Variants in ELL2 observed in about 807,000 individuals in gnomAD.
ELL2 encodes RNA polymerase II elongation factor ELL2.
In ELL2, 21 loss-of-function variants were observed where a neutral mutation model predicts 72.8. The observed-to-expected ratio is 0.29, with a 90% CI of 0.20 to 0.42. ELL2 has a LOEUF of 0.42. Ranked by LOEUF, ELL2 falls within the 10% of genes least tolerant of loss-of-function variation. The pLI, the probability that ELL2 is intolerant of heterozygous loss-of-function variation, is 1.00. For missense variants in ELL2, 568 were observed against 772.8 expected, an observed-to-expected ratio of 0.73 and a Z score of 3.14; for synonymous variants, 266 against 283.2, an observed-to-expected ratio of 0.94 and a Z score of 0.61.
chr5:95,905,837 A>T (rs986567358), intron 5 of ELL2, among the ~76,000 whole-genome samples: 11 of 151,746 alleles, frequency 7.2e-5, no homozygotes, highest in Non-Finnish European at 1.5e-4. Flanking sequence ...ACCACCATTT[A>T]TGGTGGATCT....
chr5:95,947,813 T>C (rs925174378), intron 1 of ELL2, among the ~76,000 whole-genome samples: 9 of 152,284 alleles, frequency 5.9e-5, no homozygotes, highest in East Asian at 1.9e-4. Context: ...AAAGTAATTA[T>C]AATTTCCAAA....
chr5:95,947,132 T>C (rs1422788481), intron 1 of ELL2, among the ~76,000 whole-genome samples: 2 of 152,182 alleles, frequency 1.3e-5, no homozygotes, highest in Non-Finnish European at 2.9e-5. Flanking sequence ...TAGGTTGTCT[T>C]ATTCCTGATT....
Position 95,898,675 on chromosome 5 carries a change from G to A in ELL2, c.1090C>T (p.Pro364Ser). 1 of 1,613,116 alleles carries A rather than the reference G, an allele frequency of 6.2e-7. No individual in the cohort carries two copies. The highest frequency in any genetic ancestry group is 8.5e-7 in the Non-Finnish European group (1 of 1,179,428). ...PTSEKSAAGLPLPPAAAAIPT... is the reference protein window; with the variant it reads ...PTSEKSAAGLSLPPAAAAIPT... ...ATGGCAGCAGCCGCAGGGGGCAGCGGGAGGCCTGCAGCAGATTTTTCACTG... is the reference window on the plus strand; with the variant it reads ...ATGGCAGCAGCCGCAGGGGGCAGCGAGAGGCCTGCAGCAGATTTTTCACTG... The change falls in exon 8 of 12, where the codon CCG becomes TCG. Residue 364 changes from proline (P) to serine (S), a missense_variant. Around this residue, in one of 2 missense-constraint regions of ELL2, gnomAD observed 511 missense variants for 728.4 expected, o/e 0.70. Coordinates refer to ENST00000237853, the MANE Select transcript of ELL2 (RefSeq NM_012081.6).
At chr5:95,917,598 T>A (rs555516778) in intron 3 of ELL2, among the ~76,000 whole-genome samples, 130 of 152,284 alleles carry the variant, frequency 8.5e-4, no homozygotes, top group African/African-American at 2.9e-3. Flanking sequence ...AGTGCTTTTG[T>A]TTTCCTAGTG....
chr5:95,930,037 C>T (rs1410297797), intron 2 of ELL2, among the ~76,000 whole-genome samples: 1 of 152,188 alleles, frequency 6.6e-6, no homozygotes, highest in East Asian at 1.9e-4. Context: ...TATGACCCAA[C>T]CTCTTTAAAA....
At chr5:95,920,869 A>G (rs1000508818) in intron 2 of ELL2, among the ~76,000 whole-genome samples, 1 of 152,156 alleles carries the variant, frequency 6.6e-6, no homozygotes, top group African/African-American at 2.4e-5. Context: ...AAAGTGTTTT[A>G]TAATCCTCAT....
rs754262957 is a variant in ELL2 at position 95,901,069 on chromosome 5, C to T, written c.753G>A (p.Leu251=). ...LGAILQQVAN[L]NSKDLSYTLK... is the part of the protein sequence containing the mutation. ...AGGTATATGAGAGGTCCTTAGAATTCAGATTGGCTACCTAGTATGAGGTAT... is the reference window on the plus strand; with the variant it reads ...AGGTATATGAGAGGTCCTTAGAATTTAGATTGGCTACCTAGTATGAGGTAT... Residue 251 remains leucine, a synonymous_variant, in exon 6 of 12, where the codon CTG becomes CTA. Coordinates refer to ENST00000237853, the MANE Select transcript of ELL2 (RefSeq NM_012081.6). 6.2e-7 allele frequency: 1 copy of T among 1,603,602 alleles called. No homozygotes were observed. The highest frequency in any genetic ancestry group is 1.3e-5 in the African/African-American group (1 of 74,118).
intron 4 of ELL2, among the ~76,000 whole-genome samples, chr5:95,913,093 G>A (rs1040508366): frequency 3.3e-5 from 5 of 152,138 alleles, no homozygotes; most frequent in Non-Finnish European, 5.9e-5. Context: ...ATAAAGGAGA[G>A]ACTCATCTTG....
intron 1 of ELL2, among the ~76,000 whole-genome samples, chr5:95,948,012 T>TA (rs1751231736): frequency 6.6e-6 from 1 of 152,198 alleles, no homozygotes; most frequent in Non-Finnish European, 1.5e-5. Context: ...AGCTCATTGT[T>TA]ACTCAGAAAT....
intron 1 of ELL2, among the ~76,000 whole-genome samples, chr5:95,960,374 C>T (rs1241206666): frequency 1.3e-5 from 2 of 151,924 alleles, no homozygotes; most frequent in Non-Finnish European, 2.9e-5. Flanking sequence ...AAACTGTTTC[C>T]CCATGCACCC....
rs149812788 is a variant in ELL2 at position 95,898,448 on chromosome 5, G to A, written c.1317C>T (p.Pro439=). 5 of 1,613,664 alleles carry A rather than the reference G, an allele frequency of 3.1e-6. No individual in the cohort carries two copies. In the South Asian group the frequency reaches 4.4e-5, roughly 14 times the overall value. Residue 439 remains proline, a synonymous_variant, in exon 8 of 12, where the codon CCC becomes CCT. Coordinates refer to ENST00000237853, the MANE Select transcript of ELL2 (RefSeq NM_012081.6). ...GACACTTTAGTAGAACGGAACCAGG[G>A]GGTAAGGTTTCCAGAGAAGTCCTAG... ...YTSRTSLETL[P]PGSVLLKCPK...
chr5:95,888,983 C>T lies in ELL2; in HGVS notation c.1811G>A (p.Ser604Asn). 5 of 1,406,714 alleles carry T rather than the reference C, an allele frequency of 3.6e-6. No individual in the cohort carries two copies. The highest frequency in any genetic ancestry group is 1.6e-5 in the African/African-American group (1 of 62,616). 87.1% of individuals were successfully genotyped at this position (1,406,714 alleles called of 1,614,324 possible). A position where few individuals can be genotyped will look rare whatever the true frequency, so the allele number is the denominator to read the frequency against. Residue 604 changes from serine (S) to asparagine (N), a missense_variant, in exon 12 of 12, where the codon AGT (serine) becomes AAT (asparagine). Around this residue, in one of 2 missense-constraint regions of ELL2, gnomAD observed 511 missense variants for 728.4 expected, o/e 0.70. Transcript: ENST00000237853. ...LQEYQKIKQS[S>N]PNYHEEKYRC... is the part of the protein sequence containing the mutation. ...GTATTTTTCTTCATGGTAATTGGGACTAGACTGCAGATGAAAAAAAAAAAA... is the reference window on the plus strand; with the variant it reads ...GTATTTTTCTTCATGGTAATTGGGATTAGACTGCAGATGAAAAAAAAAAAA...
chr5:95,893,607 G>C (rs961739480), intron 9 of ELL2, among the ~76,000 whole-genome samples: 1 of 152,216 alleles, frequency 6.6e-6, no homozygotes, highest in African/African-American at 2.4e-5. Flanking sequence ...GGATGGTCTC[G>C]ATCTCCTGAC....
rs1233600611 is a variant in ELL2, at chr5:95,913,829, T to C, written c.423A>G (p.Ala141=). ...TGCTTCGGTTGCGGGATTCCTCCTC[T>C]GCCTGGGTCATTCTTTCTCGTGTCA... ...YQMTRERMTQ[A]EEESRNRSTK... Residue 141 remains alanine, a synonymous_variant, in exon 4 of 12, where the codon GCA becomes GCG. Coordinates refer to ENST00000237853, the MANE Select transcript of ELL2 (RefSeq NM_012081.6). 2.5e-6 allele frequency: 4 copies of C among 1,613,520 alleles called. No homozygotes were observed. In the South Asian group the frequency reaches 4.4e-5, roughly 18 times the overall value.
intron 5 of ELL2, among the ~76,000 whole-genome samples, chr5:95,901,591 T>C (rs1041703197): frequency 1.3e-4 from 20 of 152,344 alleles, no homozygotes; most frequent in Non-Finnish European, 2.2e-4. Context: ...AGAGCAATTA[T>C]GCCAACATGC....
At chr5:95,950,134 A>C (rs1186872977) in intron 1 of ELL2, among the ~76,000 whole-genome samples, 1 of 152,226 alleles carries the variant, frequency 6.6e-6, no homozygotes, top group African/African-American at 2.4e-5. Context: ...GCAGAAGGAA[A>C]ATACCAGACA....
chr5:95,958,119 C>T (rs1036121651), intron 1 of ELL2, among the ~76,000 whole-genome samples: 7 of 152,170 alleles, frequency 4.6e-5, no homozygotes, highest in Admixed American at 2.0e-4. Context: ...ATCAAGTACC[C>T]TCCTATATGA....
At position 95,929,333 on chromosome 5, in the gene ELL2, A is replaced by G. The variant is rs546673060; in HGVS notation, c.196-9788T>C. Among the ~76,000 whole-genome samples the G allele has an allele frequency of 2.0e-5, 3 of 149,408 alleles. No individual in the cohort carries two copies. In the East Asian group the frequency reaches 5.9e-4, roughly 29 times the overall value. The stretch of plus-strand genomic sequence containing the variant: ...GAGTGCAGCGGCTCGATCTTGGCTC[A>G]CTGCAACCTCTGCCGCCTGGGTTCA... On this transcript the variant is annotated intron_variant, in intron 2 of 11. Transcript: ENST00000237853.
At chr5:95,920,397 A>T (rs1750010955) in intron 2 of ELL2, among the ~76,000 whole-genome samples, 1 of 150,514 alleles carries the variant, frequency 6.6e-6, no homozygotes, top group East Asian at 1.9e-4. Context: ...TGCAACCTCC[A>T]CCTCCCCGGT....
Sources: gnomAD v4.1 joint callset for allele counts (sites outside exome capture counted in the v4.1 genomes callset) on GRCh38, gnomAD v4.1.1 for gene constraint, gnomAD v4.1.1 regional missense constraint, MANE v1.5 for transcripts, NCBI Gene and HGNC (gene_info 2026-07-23, HGNC 2026-07-21) for gene names.